EXD3: variants seen among roughly 807,000 people sequenced by gnomAD.
EXD3 encodes exonuclease 3'-5' domain containing 3, also known as exonuclease mut-7 homolog.
A neutral mutation model predicts 98.0 loss-of-function variants in EXD3; 92 were observed. That is an observed-to-expected ratio of 0.94 (90% CI 0.79 to 1.12). The LOEUF is 1.12. EXD3 is among the 50% of genes most tolerant of loss of function. The probability of loss-of-function intolerance (pLI) is 0.00; values close to 1 mark genes in which losing one functional copy is unlikely to be tolerated. For missense variants in EXD3, 1,222 were observed against 1,191.6 expected, an observed-to-expected ratio of 1.03 and a Z score of -0.38; for synonymous variants, 569 against 526.0, an observed-to-expected ratio of 1.08 and a Z score of -1.12.
intron 7 of EXD3, 127 bp from the exon 8 acceptor site, chr9:137,356,495 G>A (rs1834799059): frequency 3.0e-6 from 2 of 663,054 alleles, no homozygotes; most frequent in Non-Finnish European, 5.2e-6. Flanking sequence ...GAAAATGCAG[G>A]CGTCACCGCC....
chr9:137,399,900 G>A (rs945407343), intron 1 of EXD3, among the ~76,000 whole-genome samples: 1 of 152,070 alleles, frequency 6.6e-6, no homozygotes, highest in African/African-American at 2.4e-5. Context: ...AGCCAGGCGT[G>A]GTGGTGGTGC....
intron 19 of EXD3, among the ~76,000 whole-genome samples, chr9:137,318,097 C>G (rs572904845): frequency 6.6e-6 from 1 of 152,286 alleles, no homozygotes; most frequent in Admixed American, 6.5e-5. Context: ...ACTGGGGCCC[C>G]CAGGCTGGAT....
rs1834389370 is a variant in EXD3, at chr9:137,353,011, C to G, written c.871-225G>C. 4 of 1,366,838 alleles carry G rather than the reference C, an allele frequency of 2.9e-6. No individual in the cohort carries two copies. In the South Asian group the frequency reaches 5.1e-5, roughly 18 times the overall value. The allele number at this position is 1,366,838 out of a possible 1,614,324, so 84.7% of individuals were successfully genotyped here. A position where few individuals can be genotyped will look rare whatever the true frequency, so the allele number is the denominator to read the frequency against. ...GGTGCTGAGGCAAAGGCTGTCCACC[C>G]CAGTGTAGCCCCGGCTGGCCTTCCG... On this transcript the variant is annotated intron_variant, in intron 10 of 21. Coordinates refer to ENST00000340951, the MANE Select transcript of EXD3 (RefSeq NM_017820.5).
intron 17 of EXD3, among the ~76,000 whole-genome samples, chr9:137,335,538 G>C (rs1321025942): frequency 6.6e-6 from 1 of 152,156 alleles, no homozygotes; most frequent in Non-Finnish European, 1.5e-5. Context: ...AAATTAGCCA[G>C]GTGTGGTGGC....
chr9:137,367,627 G>A (rs1004054669), intron 6 of EXD3: 2 of 341,290 alleles, frequency 5.9e-6, no homozygotes, highest in African/African-American at 4.3e-5. Context: ...CACATGGGCT[G>A]CGTGTCCTCG....
At chr9:137,320,923 C>CA (rs1218456163) in intron 19 of EXD3, among the ~76,000 whole-genome samples, 2 of 152,244 alleles carry the variant, frequency 1.3e-5, no homozygotes, top group Non-Finnish European at 2.9e-5. Flanking sequence ...TGAGCACAGA[C>CA]AAAGAGAGGC....
rs189985327 is a variant in EXD3, at chr9:137,373,924, G to A, written c.121-325C>T. 4.6e-4 allele frequency among the ~76,000 whole-genome samples: 70 copies of A among 152,378 alleles called. No individual in the cohort carries two copies. The East Asian group carries it at 0.011, about 24-fold the overall frequency. On this transcript the variant is annotated intron_variant, in intron 3 of 21. Coordinates refer to ENST00000340951, the MANE Select transcript of EXD3 (RefSeq NM_017820.5). ...ACAAGTCACTTTACCTGCGGCACTC[G>A]CGGGACACGGGCCTGGCCTGCCCTC...
In EXD3 at chr9:137,334,193, G is replaced by C. The variant is rs573071836; in HGVS notation, c.1999-10050C>G. ...ATTTTTTGTATTTTAGTGGAGACGG[G>C]GTTTCACCATGTTGGCCGGGCTGGT... On this transcript the variant is annotated intron_variant, in intron 17 of 21. Coordinates refer to ENST00000340951, the MANE Select transcript of EXD3 (RefSeq NM_017820.5). Among the ~76,000 whole-genome samples the C allele has an allele frequency of 4.6e-5, 7 of 152,284 alleles. No homozygotes were observed. The South Asian group carries it at 1.5e-3, about 32-fold the overall frequency.
chr9:137,416,442 C>A (rs1239213497), intron 1 of EXD3, among the ~76,000 whole-genome samples: 2 of 152,236 alleles, frequency 1.3e-5, no homozygotes, highest in Non-Finnish European at 2.9e-5. Context: ...CAGGGAGGGA[C>A]CGCCGGCAGC....
chr9:137,404,588 C>T (rs948468919), intron 1 of EXD3, among the ~76,000 whole-genome samples: 5 of 152,246 alleles, frequency 3.3e-5, no homozygotes, highest in East Asian at 1.9e-4. Flanking sequence ...CGGCCAGGCG[C>T]GGTGGCTCAT....
At chr9:137,411,142 C>T (rs1371223998) in intron 1 of EXD3, among the ~76,000 whole-genome samples, 4 of 152,194 alleles carry the variant, frequency 2.6e-5, no homozygotes, top group Admixed American at 1.3e-4. Context: ...GCCCCGAGGC[C>T]GGCCCCCCGG....
intron 19 of EXD3, 35 bp downstream of exon 19, chr9:137,323,690 C>T (rs1457716773): frequency 6.2e-7 from 1 of 1,603,212 alleles, no homozygotes; most frequent in Admixed American, 1.7e-5. Context: ...AGATCTTGTG[C>T]CAGCCCCAGG....
Position 137,366,205 on chromosome 9 carries a change from G to A in EXD3, c.656+288C>T, listed in dbSNP as rs773743156. ...GAATGGATGAACAAGAAAGCAGTACGGTTGCCATGCCTGCATGAGAAGAGC... is the reference window on the plus strand; with the variant it reads ...GAATGGATGAACAAGAAAGCAGTACAGTTGCCATGCCTGCATGAGAAGAGC... On this transcript the variant is annotated intron_variant, in intron 7 of 21. Coordinates refer to ENST00000340951, the MANE Select transcript of EXD3 (RefSeq NM_017820.5). The A allele has an allele frequency of 4.3e-6, 3 of 702,548 alleles. No homozygotes were observed. In the South Asian group the frequency reaches 4.5e-5, roughly 10 times the overall value. 43.5% of individuals were successfully genotyped at this position (702,548 alleles called of 1,614,324 possible).
intron 3 of EXD3, among the ~76,000 whole-genome samples, chr9:137,382,395 G>A (rs1588394640): frequency 6.6e-6 from 1 of 151,366 alleles, no homozygotes; most frequent in Non-Finnish European, 1.5e-5. Context: ...GGGGCGGGGG[G>A]CAGAGGGCGG....
Position 137,405,551 on chromosome 9 carries a change from C to T in EXD3, c.-47-10147G>A, listed in dbSNP as rs1837676514. 6.6e-6 allele frequency among the ~76,000 whole-genome samples: 1 copy of T among 152,242 alleles called. No homozygotes were observed. The highest frequency in any genetic ancestry group is 6.5e-5 in the Admixed American group (1 of 15,284). ...AGGCTCTCAACAATAAACTTTACGT[C>T]TCATGGTTCAAGAAATGCCAGGCTC... On this transcript the variant is annotated intron_variant, in intron 1 of 21. Coordinates refer to ENST00000340951, the MANE Select transcript of EXD3 (RefSeq NM_017820.5). This position sits in a 1 kb window ranked among gnomAD's most constrained non-coding sequence, Gnocchi z 4.1.
In EXD3 at chr9:137,393,098, G is replaced by A. The variant is rs906977731; in HGVS notation, c.55+2205C>T. On this transcript the variant is annotated intron_variant, in intron 2 of 21. Coordinates refer to ENST00000340951, the MANE Select transcript of EXD3 (RefSeq NM_017820.5). The surrounding 1 kb of genome is among the most constrained non-coding windows in gnomAD (Gnocchi z 4.6). ...CGAGGCTGTTCTCGGTGGGGGTGCC[G>A]TGTCTGTTCCAGGGAGGGCCATTAG... 13 of 680,280 alleles carry A rather than the reference G, an allele frequency of 1.9e-5. No homozygotes were observed. The highest frequency in any genetic ancestry group is 8.3e-5 in the East Asian group (3 of 36,362). 42.1% of individuals were successfully genotyped at this position (680,280 alleles called of 1,614,324 possible).
chr9:137,352,640 G>C lies in EXD3; in HGVS notation c.1017C>G (p.Arg339=). 6.5e-7 allele frequency: 1 copy of C among 1,547,092 alleles called. No homozygotes were observed. Among genetic ancestry groups the C allele is most frequent in the Non-Finnish European group, 8.7e-7 (1 of 1,146,034 alleles). Residue 339 remains arginine, a synonymous_variant, in exon 11 of 22, where the codon CGC becomes CGG. Transcript: ENST00000340951. ...CTCACCTCCCCTGGAGCCTGAACCG[G>C]CGGAGTTCCACAGCCACCGCAGCCG... is the stretch of plus-strand genomic sequence containing the variant. ...RLPAAVAVEL[R]RFRLQGRATE... is the part of the protein sequence containing the mutation.
chr9:137,309,935 T>C (rs1461404441), intron 19 of EXD3, among the ~76,000 whole-genome samples: 6 of 152,214 alleles, frequency 3.9e-5, no homozygotes, highest in Admixed American at 3.9e-4. Flanking sequence ...TCTTCTGTTT[T>C]TTGAGAACTT....
At chr9:137,336,235 T>C (rs1833346300) in intron 17 of EXD3, among the ~76,000 whole-genome samples, 1 of 152,180 alleles carries the variant, frequency 6.6e-6, no homozygotes, top group Admixed American at 6.6e-5. Context: ...TCAGACTTCA[T>C]CATTACACAA....
Sources: gnomAD v4.1 joint callset for allele counts (sites outside exome capture counted in the v4.1 genomes callset) on GRCh38, gnomAD v4.1.1 for gene constraint, Gnocchi (gnomAD v3.1) non-coding constraint, MANE v1.5 for transcripts, NCBI Gene and HGNC (gene_info 2026-07-23, HGNC 2026-07-21) for gene names.